The following KLRG1 variants were observed in gnomAD, a reference collection of about 807,000 sequenced individuals.
KLRG1 encodes killer cell lectin-like receptor subfamily G member 1.
Under a neutral mutation model 21.8 loss-of-function variants are expected in KLRG1, and 16 were observed. The observed-to-expected ratio is 0.73, with a 90% CI of 0.50 to 1.11. KLRG1 has a LOEUF of 1.11. Ranked by LOEUF, KLRG1 falls within the 50% of genes most tolerant of loss-of-function variation. KLRG1 has a pLI of 0.00. For synonymous variants in KLRG1, 69 were observed against 75.9 expected, an observed-to-expected ratio of 0.91 and a Z score of 0.47; for missense variants, 173 against 218.3, an observed-to-expected ratio of 0.79 and a Z score of 1.31.
the KLRG1 span, among the ~76,000 whole-genome samples, chr12:9,039,290 G>T: frequency 6.6e-6 from 1 of 152,242 alleles, no homozygotes; most frequent in East Asian, 1.9e-4. Flanking sequence ...GAGAAAACCA[G>T]CTTAGATTGC....
chr12:9,001,983 TTTTA>T (rs1177287824), intron 3 of KLRG1, among the ~76,000 whole-genome samples: 1 of 152,206 alleles, frequency 6.6e-6, no homozygotes, highest in Non-Finnish European at 1.5e-5. Flanking sequence ...CCAGATTTTA[TTTTA>T]TTTTTTATTT....
At chr12:9,108,099 GTTTATTTTATTTTAT>G in the KLRG1 span, among the ~76,000 whole-genome samples, 66,889 of 148,156 alleles carry the variant, frequency 0.45, 17,118 homozygotes, top group African/African-American at 0.71. Flanking sequence ...AGTTTCACTT[GTTTATTTTATTTTAT>G]TTTATTTTAT....
At chr12:9,135,447 G>A in the KLRG1 span, 1 of 364,702 alleles carries the variant, frequency 2.7e-6, no homozygotes. Flanking sequence ...CTCCATCTGT[G>A]TGCTGTATGA....
At chr12:8,992,024 G>A (rs1425899982) in intron 1 of KLRG1, 182 bp from the exon 2 acceptor site, 1 of 526,434 alleles carries the variant, frequency 1.9e-6, no homozygotes, top group African/African-American at 1.9e-5. Flanking sequence ...TGATACAGGT[G>A]TTGGTGGTTA....
At chr12:9,107,502 G>GA in the KLRG1 span, 3 of 1,612,806 alleles carry the variant, frequency 1.9e-6, no homozygotes, top group Non-Finnish European at 2.5e-6. Flanking sequence ...CTATTCTCTA[G>GA]AAAAAATAGT....
intron 1 of KLRG1, among the ~76,000 whole-genome samples, chr12:8,965,507 A>G (rs1292291903): frequency 6.6e-6 from 1 of 152,174 alleles, no homozygotes; most frequent in Non-Finnish European, 1.5e-5. Context: ...TACAAAATCA[A>G]TGTACAAAAA....
the KLRG1 span, among the ~76,000 whole-genome samples, chr12:9,029,527 G>A: frequency 2.0e-5 from 3 of 152,164 alleles, no homozygotes; most frequent in African/African-American, 4.8e-5. Context: ...ATTAACTACA[G>A]TCACCTTGTT....
the KLRG1 span, among the ~76,000 whole-genome samples, chr12:9,032,806 A>G: frequency 6.6e-6 from 1 of 152,130 alleles, no homozygotes; most frequent in Non-Finnish European, 1.5e-5. Context: ...TCATGAGTCA[A>G]TCAGTCCTGT....
chr12:9,108,307 T>C, the KLRG1 span, among the ~76,000 whole-genome samples: 1 of 151,996 alleles, frequency 6.6e-6, no homozygotes, highest in South Asian at 2.1e-4. Context: ...TTGTATTTTT[T>C]AGTAGAGACG....
chr12:9,033,384 A>G, the KLRG1 span, among the ~76,000 whole-genome samples: 1 of 152,060 alleles, frequency 6.6e-6, no homozygotes, highest in Non-Finnish European at 1.5e-5. Context: ...GATAGAGGCT[A>G]CAATGGGCTA....
chr12:9,069,893 C>T, the KLRG1 span: 1 of 1,140,910 alleles, frequency 8.8e-7, no homozygotes, highest in Non-Finnish European at 1.3e-6. Context: ...CTTTGTATTG[C>T]CAAAATAACC....
chr12:9,054,206 TTTTA>T, the KLRG1 span, among the ~76,000 whole-genome samples: 2 of 152,356 alleles, frequency 1.3e-5, no homozygotes, highest in East Asian at 1.9e-4. Flanking sequence ...GTCGCCTTGT[TTTTA>T]TTTATTTATC....
chr12:9,196,276 G>T, the KLRG1 span: 1 of 1,265,220 alleles, frequency 7.9e-7, no homozygotes, highest in Non-Finnish European at 1.1e-6. Flanking sequence ...ATTGTGTCCT[G>T]TGCTTAGGTG....
At chr12:8,978,684 CTTTCTTTT>C (rs1946703462) in intron 1 of KLRG1, among the ~76,000 whole-genome samples, 6 of 127,346 alleles carry the variant, frequency 4.7e-5, no homozygotes, top group African/African-American at 1.2e-4. Flanking sequence ...TTCTTTCTTT[CTTTCTTTT>C]TCTTTCTTTT....
At chr12:9,097,030 T>A in the KLRG1 span, among the ~76,000 whole-genome samples, 2 of 152,232 alleles carry the variant, frequency 1.3e-5, no homozygotes, top group African/African-American at 4.8e-5. Flanking sequence ...GGTCTACTAC[T>A]AAATCCCTGA....
chr12:9,194,826 A>G, the KLRG1 span, among the ~76,000 whole-genome samples: 3 of 152,160 alleles, frequency 2.0e-5, no homozygotes, highest in African/African-American at 7.2e-5. Flanking sequence ...AATAAGAATA[A>G]AAGAAATGAA....
the KLRG1 span, chr12:9,151,467 C>A: frequency 1.7e-6 from 1 of 593,372 alleles, no homozygotes. Flanking sequence ...CCCTCTTATT[C>A]TTCTTGGAAT....
chr12:9,146,832 A>G, the KLRG1 span, among the ~76,000 whole-genome samples: 1 of 152,158 alleles, frequency 6.6e-6, no homozygotes, highest in Admixed American at 6.6e-5. Context: ...TCTGTGCTGG[A>G]CCCATCAGAA....
chr12:9,012,000 C>T (rs758812541), downstream of KLRG1, among the ~76,000 whole-genome samples: 4 of 152,210 alleles, frequency 2.6e-5, no homozygotes, highest in Non-Finnish European at 5.9e-5. Context: ...ACCACTGCGG[C>T]TAAAACACTC....
Sources: gnomAD v4.1 joint callset for allele counts (sites outside exome capture counted in the v4.1 genomes callset) on GRCh38, gnomAD v4.1.1 for gene constraint, MANE v1.5 for transcripts, NCBI Gene and HGNC (gene_info 2026-07-23, HGNC 2026-07-21) for gene names.